Variants in TNS3 observed in about 807,000 individuals in gnomAD.
TNS3 encodes tensin-3.
Under a neutral mutation model 140.9 loss-of-function variants are expected in TNS3, and 45 were observed. That is an observed-to-expected ratio of 0.32 (90% CI 0.25 to 0.41). The LOEUF (loss-of-function observed/expected upper bound fraction) is 0.41, where lower values mean the gene tolerates loss of function less well. Ranked by LOEUF, TNS3 falls within the 10% of genes least tolerant of loss-of-function variation. TNS3 has a pLI of 1.00. For missense variants in TNS3, 1,716 were observed against 1,906.7 expected, an observed-to-expected ratio of 0.90 and a Z score of 1.86; for synonymous variants, 815 against 788.4, an observed-to-expected ratio of 1.03 and a Z score of -0.56.
chr7:47,420,377 C>T (rs1268282377), intron 10 of TNS3, among the ~76,000 whole-genome samples: 3 of 152,256 alleles, frequency 2.0e-5, no homozygotes, highest in African/African-American at 7.2e-5. Context: ...ACGCCTATTG[C>T]ACTGTTAATT....
At chr7:47,578,199 G>C (rs959172246) in intron 1 of TNS3, among the ~76,000 whole-genome samples, 4 of 152,094 alleles carry the variant, frequency 2.6e-5, no homozygotes, top group African/African-American at 9.7e-5. Context: ...TGTAATCCCA[G>C]CTACTTGGGA....
chr7:47,322,055 A>G (rs556041288), intron 20 of TNS3, among the ~76,000 whole-genome samples: 1 of 152,220 alleles, frequency 6.6e-6, no homozygotes, highest in South Asian at 2.1e-4. Flanking sequence ...ATTAAAGGCT[A>G]AAGAACTGTA....
chr7:47,439,405 C>T, intron 6 of TNS3, 82 bp downstream of exon 6: 1 of 1,478,848 alleles, frequency 6.8e-7, no homozygotes, highest in Non-Finnish European at 9.2e-7. Flanking sequence ...CATGTGTAAA[C>T]CAGTGTTCTG....
At chr7:47,508,720 G>T (rs1403001925) in intron 2 of TNS3, among the ~76,000 whole-genome samples, 2 of 152,208 alleles carry the variant, frequency 1.3e-5, no homozygotes, top group African/African-American at 2.4e-5. Flanking sequence ...GTGCAACCTG[G>T]CAGAGGAGAT....
At chr7:47,394,674 C>T (rs1378193003) in intron 16 of TNS3, among the ~76,000 whole-genome samples, 15 of 152,254 alleles carry the variant, frequency 9.9e-5, no homozygotes, top group Non-Finnish European at 1.3e-4. Context: ...TATACACACA[C>T]GCTCACACAC....
chr7:47,457,705 A>T (rs893638275), intron 4 of TNS3, among the ~76,000 whole-genome samples: 2 of 152,090 alleles, frequency 1.3e-5, no homozygotes, highest in Non-Finnish European at 2.9e-5. Flanking sequence ...GGTGCCCTCC[A>T]TCCATCTACC....
chr7:47,409,656 A>ATTTTTTTTTTTTTT (rs1314338489), intron 13 of TNS3, among the ~76,000 whole-genome samples: 6 of 150,018 alleles, frequency 4.0e-5, no homozygotes, highest in African/African-American at 1.3e-4. Flanking sequence ...CTCTTGGCCT[A>ATTTTTTTTTTTTTT]TTCTTTTTTT....
At chr7:47,438,411 A>G (rs1795297549) in intron 6 of TNS3, among the ~76,000 whole-genome samples, 1 of 152,138 alleles carries the variant, frequency 6.6e-6, no homozygotes, top group Non-Finnish European at 1.5e-5. Context: ...TGCGCTGACC[A>G]GCCTGGGAGT....
At chr7:47,523,836 A>T (rs1223732040) in intron 2 of TNS3, among the ~76,000 whole-genome samples, 1 of 152,174 alleles carries the variant, frequency 6.6e-6, no homozygotes, top group African/African-American at 2.4e-5. Context: ...CACCACAAAG[A>T]AAGGACCCAG....
intron 4 of TNS3, among the ~76,000 whole-genome samples, chr7:47,479,595 G>A (rs1032972505): frequency 2.0e-5 from 3 of 151,522 alleles, no homozygotes; most frequent in Non-Finnish European, 2.9e-5. Context: ...CGCCCGCCCC[G>A]GACGGCCTCA....
chr7:47,461,134 G>A (rs1050256024), intron 4 of TNS3, among the ~76,000 whole-genome samples: 2 of 152,180 alleles, frequency 1.3e-5, no homozygotes, highest in South Asian at 2.1e-4. Flanking sequence ...GGGGACACAG[G>A]CAGGTGTAAA....
chr7:47,368,623 C>T lies in TNS3; in HGVS notation c.2023G>A (p.Val675Met). 1 of 1,596,430 alleles carries T rather than the reference C, an allele frequency of 6.3e-7. No individual in the cohort carries two copies. Among genetic ancestry groups the T allele is most frequent in the Admixed American group, 1.7e-5 (1 of 58,488 alleles). ...CTCAGCTCTGGGCCGGCTCCATTCA[C>T]AACCTGGTCTCCTGGAAACCTGGGT... is the stretch of plus-strand genomic sequence containing the variant. ...FKPRFPGDQV[V>M]NGAGPELSTG... The change falls in exon 17 of 31, where the codon GTG becomes ATG. Residue 675 changes from valine (V) to methionine (M), a missense_variant. This residue lies in a region of TNS3 where 1,163 missense variants were observed against 1,182.1 expected (regional missense o/e 0.98). Coordinates refer to ENST00000311160, the MANE Select transcript of TNS3 (RefSeq NM_022748.12).
At chr7:47,282,610 T>C in intron 28 of TNS3, among the ~76,000 whole-genome samples, 1 of 152,146 alleles carries the variant, frequency 6.6e-6, no homozygotes, top group Admixed American at 6.5e-5. Flanking sequence ...GAGTGCCCTT[T>C]TCATTTGAGA....
chr7:47,518,890 CAGGTTT>C (rs2151912797), intron 2 of TNS3, among the ~76,000 whole-genome samples: 1 of 152,320 alleles, frequency 6.6e-6, no homozygotes, highest in South Asian at 2.1e-4. Context: ...CTGGAGATCA[CAGGTTT>C]AACCTTTGAG....
intron 2 of TNS3, among the ~76,000 whole-genome samples, chr7:47,508,730 T>C (rs1562816150): frequency 1.3e-5 from 2 of 152,066 alleles, no homozygotes; most frequent in Admixed American, 6.5e-5. Context: ...GCAGAGGAGA[T>C]GGTGTGTGAC....
chr7:47,356,125 G>A (rs372447963), intron 17 of TNS3, among the ~76,000 whole-genome samples: 32 of 152,110 alleles, frequency 2.1e-4, no homozygotes, highest in African/African-American at 7.5e-4. Flanking sequence ...ACCACCCTGC[G>A]GCACGTTCCA....
intron 3 of TNS3, among the ~76,000 whole-genome samples, chr7:47,506,457 C>T (rs1798420332): frequency 1.3e-5 from 2 of 152,074 alleles, no homozygotes; most frequent in African/African-American, 4.8e-5. Context: ...AACCTTACTC[C>T]AGGGTTCCCA....
chr7:47,394,482 T>A (rs1289110192), intron 16 of TNS3, among the ~76,000 whole-genome samples: 4 of 152,238 alleles, frequency 2.6e-5, no homozygotes, highest in Non-Finnish European at 5.9e-5. Context: ...ACACGCTTGT[T>A]GTTTAAGACA....
At chr7:47,283,593 C>T (rs1011114749) in intron 28 of TNS3, 104 bp downstream of exon 28, 23 of 1,163,900 alleles carry the variant, frequency 2.0e-5, no homozygotes, top group South Asian at 2.7e-5. Flanking sequence ...ACCTCAAAGA[C>T]GGCTAATGAT....
Sources: gnomAD v4.1 joint callset for allele counts (sites outside exome capture counted in the v4.1 genomes callset) on GRCh38, gnomAD v4.1.1 for gene constraint, gnomAD v4.1.1 regional missense constraint, MANE v1.5 for transcripts, NCBI Gene and HGNC (gene_info 2026-07-23, HGNC 2026-07-21) for gene names.